TTC28: variants seen among roughly 807,000 people sequenced by gnomAD.
TTC28 encodes tetratricopeptide repeat domain 28.
In TTC28, 61 loss-of-function variants were observed where a neutral mutation model predicts 198.0. That is an observed-to-expected ratio of 0.31 (90% confidence interval 0.25 to 0.38). The LOEUF is 0.38. Ranked by LOEUF, TTC28 falls within the 10% of genes least tolerant of loss-of-function variation. The pLI, the probability that TTC28 is intolerant of heterozygous loss-of-function variation, is 1.00. For synonymous variants in TTC28, 1,171 were observed against 1,297.8 expected (o/e 0.90, Z 2.10); for missense variants, 2,678 against 3,164.0 (o/e 0.85, Z 3.69).
At chr22:28,569,186 A>G (rs2050024693) in intron 2 of TTC28, among the ~76,000 whole-genome samples, 1 of 150,718 alleles carries the variant, frequency 6.6e-6, no homozygotes, top group African/African-American at 2.4e-5. Flanking sequence ...AAATAAATAA[A>G]TAAATAAATA....
chr22:28,032,267 A>ATATATATATATAGTGTGT (rs1226631612), intron 12 of TTC28, among the ~76,000 whole-genome samples: 5 of 78,718 alleles, frequency 6.4e-5, no homozygotes, highest in African/African-American at 1.9e-4. Context: ...ATATATATAT[A>ATATATATATATAGTGTGT]GTGTGTGTGT....
rs2046945456 is a variant in TTC28, at chr22:28,403,222, T to C, written c.382-96579A>G. Among the ~76,000 whole-genome samples, 5 of 152,284 alleles carry C rather than the reference T, an allele frequency of 3.3e-5. No homozygotes were observed. The South Asian group carries it at 1.0e-3, about 32-fold the overall frequency. ...GTCTTTGCTATTGGCCAATAGTCTA[T>C]TGTAACCAGCGCTAGAGACCCAACA... is the stretch of plus-strand genomic sequence containing the variant. On this transcript the variant is annotated intron_variant, in intron 2 of 22. Transcript: ENST00000397906.
At chr22:28,237,089 A>G (rs1463225856) in intron 5 of TTC28, among the ~76,000 whole-genome samples, 3 of 151,594 alleles carry the variant, frequency 2.0e-5, no homozygotes, top group Non-Finnish European at 4.4e-5. Flanking sequence ...ATTTTTTAGG[A>G]TCTAATTTTA....
At chr22:28,538,396 T>C (rs937344210) in intron 2 of TTC28, among the ~76,000 whole-genome samples, 2 of 151,796 alleles carry the variant, frequency 1.3e-5, no homozygotes, top group African/African-American at 4.8e-5. Context: ...CCTATAGGTA[T>C]ATCTTTATAT....
intron 2 of TTC28, among the ~76,000 whole-genome samples, chr22:28,526,359 T>A (rs1266616155): frequency 1.3e-5 from 2 of 152,148 alleles, no homozygotes; most frequent in Non-Finnish European, 2.9e-5. Flanking sequence ...GTACAGTAGC[T>A]TACAAAGACC....
intron 2 of TTC28, among the ~76,000 whole-genome samples, chr22:28,403,701 T>G (rs1003363659): frequency 6.6e-6 from 1 of 152,202 alleles, no homozygotes; most frequent in South Asian, 2.1e-4. Flanking sequence ...TAGTATCCTG[T>G]CTCGCAAATG....
intron 2 of TTC28, among the ~76,000 whole-genome samples, chr22:28,595,868 G>A (rs2050531866): frequency 6.6e-6 from 1 of 152,158 alleles, no homozygotes; most frequent in Admixed American, 6.5e-5. Flanking sequence ...AGCTTGCAGT[G>A]AGCCGAGATG....
intron 5 of TTC28, among the ~76,000 whole-genome samples, chr22:28,242,471 G>A (rs1929725494): frequency 6.6e-6 from 1 of 152,144 alleles, no homozygotes; most frequent in Admixed American, 6.5e-5. Flanking sequence ...TAAAAATCTA[G>A]AGAGGTTGTA....
chr22:28,371,621 G>A (rs1387550312), intron 2 of TTC28, among the ~76,000 whole-genome samples: 2 of 3,280 alleles, frequency 6.1e-4, no homozygotes, highest in Middle Eastern at 0.17. Context: ...TTGAGACAGA[G>A]TCTCACTCTG....
chr22:28,070,240 A>G (rs1028531828), intron 12 of TTC28, among the ~76,000 whole-genome samples: 4 of 152,194 alleles, frequency 2.6e-5, no homozygotes, highest in Non-Finnish European at 4.4e-5. Flanking sequence ...GAACAGATCA[A>G]TCTCTGCCCT....
intron 2 of TTC28, among the ~76,000 whole-genome samples, chr22:28,479,142 A>G (rs181862537): frequency 6.6e-6 from 1 of 152,354 alleles, no homozygotes; most frequent in East Asian, 1.9e-4. Flanking sequence ...AGCAATGTAG[A>G]TTGGTTAAAT....
chr22:27,982,301 C>T lies in TTC28; in HGVS notation c.7366G>A (p.Ala2456Thr), dbSNP rs1032307071. ...CCAGAAGGAAGCCTCAAAGGGCGCG[C>T]GGGGGCTGTGGCGGGAGGGCCGGCG... ...LPAGPPATAP[A>T]RPLRLPSGNG... The change falls in exon 23 of 23, where the codon GCG (alanine) becomes ACG (threonine). Residue 2456 changes from alanine (A) to threonine (T), a missense_variant. Coordinates refer to ENST00000397906, the MANE Select transcript of TTC28 (RefSeq NM_001145418.2). The surrounding 1 kb of genome is among the most constrained non-coding windows in gnomAD (Gnocchi z 5.2). 11 of 1,517,942 alleles carry T rather than the reference C, an allele frequency of 7.2e-6. No homozygotes were observed. Among genetic ancestry groups the T allele is most frequent in the African/African-American group, 5.6e-5 (4 of 71,602 alleles). 94.0% of individuals were successfully genotyped at this position (1,517,942 alleles called of 1,614,324 possible). A position where few individuals can be genotyped will look rare whatever the true frequency, so the allele number is the denominator to read the frequency against.
chr22:28,450,534 G>GCA (rs1289634171), intron 2 of TTC28, among the ~76,000 whole-genome samples: 1 of 152,082 alleles, frequency 6.6e-6, no homozygotes, highest in Non-Finnish European at 1.5e-5. Flanking sequence ...CCGCACACAA[G>GCA]CACACACACA....
intron 2 of TTC28, among the ~76,000 whole-genome samples, chr22:28,529,900 G>A (rs1399811365): frequency 1.5e-4 from 23 of 152,082 alleles, no homozygotes; most frequent in Non-Finnish European, 2.1e-4. Flanking sequence ...AACCCCATCT[G>A]CACATCACCA....
At chr22:28,096,649 GC>G (rs1941984502) in intron 10 of TTC28, among the ~76,000 whole-genome samples, 1 of 152,056 alleles carries the variant, frequency 6.6e-6, no homozygotes, top group African/African-American at 2.4e-5. Flanking sequence ...CTTGCAGCCA[GC>G]GCCACAAAAG....
chr22:28,590,418 C>T (rs2050407091), intron 2 of TTC28, among the ~76,000 whole-genome samples: 2 of 152,034 alleles, frequency 1.3e-5, no homozygotes, highest in Admixed American at 1.3e-4. Context: ...CGTGAGCCAC[C>T]ACGCCCAGCC....
chr22:28,599,590 A>G (rs1334122646), intron 2 of TTC28, among the ~76,000 whole-genome samples: 1 of 152,110 alleles, frequency 6.6e-6, no homozygotes, highest in Admixed American at 6.5e-5. Context: ...GGAGCTCACG[A>G]CCAGCCTGGG....
chr22:28,418,544 T>A (rs1295992271), intron 2 of TTC28, among the ~76,000 whole-genome samples: 1 of 152,144 alleles, frequency 6.6e-6, no homozygotes, highest in Non-Finnish European at 1.5e-5. Context: ...AAAGTGTGGG[T>A]CACAAAGAAC....
chr22:28,333,161 T>C (rs1339899348), intron 2 of TTC28, among the ~76,000 whole-genome samples: 2 of 152,134 alleles, frequency 1.3e-5, no homozygotes, highest in African/African-American at 4.8e-5. Context: ...TTTAGTCTAT[T>C]TCAAAATCAT....
Sources: gnomAD v4.1 joint callset for allele counts (sites outside exome capture counted in the v4.1 genomes callset) on GRCh38, gnomAD v4.1.1 for gene constraint, Gnocchi (gnomAD v3.1) non-coding constraint, MANE v1.5 for transcripts, NCBI Gene and HGNC (gene_info 2026-07-23, HGNC 2026-07-21) for gene names.